Variants in RGS6 observed in about 807,000 individuals in gnomAD.
RGS6 encodes regulator of G protein signaling 6, also known as regulator of G-protein signaling 6.
RGS6 carries 30 observed loss-of-function variants against 78.5 expected under a neutral mutation model. The observed-to-expected ratio is 0.38, with a 90% CI of 0.29 to 0.52. The LOEUF is 0.52. Among genes scored for constraint, RGS6 ranks in the 20% least tolerant of loss-of-function variants. The pLI is 0.85. For synonymous variants in RGS6, 206 were observed against 206.0 expected (o/e 1.00, Z 0.00); for missense variants, 495 against 609.7 (o/e 0.81, Z 1.98).
At chr14:72,280,147 C>T (rs1194523627) in intron 2 of RGS6, among the ~76,000 whole-genome samples, 1 of 151,960 alleles carries the variant, frequency 6.6e-6, no homozygotes, top group Non-Finnish European at 1.5e-5. Context: ...AGGTATTTAC[C>T]TGGGTTTTCT....
chr14:72,155,531 G>A (rs1451136374), intron 2 of RGS6, among the ~76,000 whole-genome samples: 2 of 152,200 alleles, frequency 1.3e-5, no homozygotes, highest in Non-Finnish European at 2.9e-5. Flanking sequence ...GAAATGACCT[G>A]TTACCAAAGT....
At chr14:72,501,707 T>C (rs1222424615) in intron 13 of RGS6, among the ~76,000 whole-genome samples, 4 of 151,872 alleles carry the variant, frequency 2.6e-5, no homozygotes, top group Admixed American at 1.3e-4. Context: ...GATGCTGGAG[T>C]CTAATGAAAC....
intron 2 of RGS6, among the ~76,000 whole-genome samples, chr14:72,173,077 CCT>C (rs1399825787): frequency 6.6e-6 from 1 of 152,062 alleles, no homozygotes; most frequent in Non-Finnish European, 1.5e-5. Context: ...AGGAAAATAC[CCT>C]CTTAGATTTG....
At chr14:72,495,037 A>AT (rs1472219147) in intron 12 of RGS6, 115 bp from the exon 13 acceptor site, 14 of 680,442 alleles carry the variant, frequency 2.1e-5, no homozygotes, top group African/African-American at 1.4e-4. Context: ...GCGGAAATAA[A>AT]TTTTTTCCTT....
At chr14:72,065,787 T>C (rs1311521214) in intron 2 of RGS6, among the ~76,000 whole-genome samples, 1 of 151,940 alleles carries the variant, frequency 6.6e-6, no homozygotes, top group East Asian at 1.9e-4. Flanking sequence ...ATTTTTTTAT[T>C]ATACTTTAAG....
chr14:72,202,464 C>A (rs1349810302), intron 2 of RGS6, among the ~76,000 whole-genome samples: 1 of 152,190 alleles, frequency 6.6e-6, no homozygotes, highest in Admixed American at 6.5e-5. Flanking sequence ...AGCTCCCGTT[C>A]TTACCCATTA....
chr14:72,007,903 A>G (rs1443865572), intron 2 of RGS6, among the ~76,000 whole-genome samples: 1 of 152,206 alleles, frequency 6.6e-6, no homozygotes, highest in Admixed American at 6.5e-5. Flanking sequence ...GAAAAGAGAC[A>G]TAAAGAGTAC....
At chr14:72,186,376 C>A (rs771009125) in intron 2 of RGS6, among the ~76,000 whole-genome samples, 1 of 152,232 alleles carries the variant, frequency 6.6e-6, no homozygotes, top group African/African-American at 2.4e-5. Context: ...CAGGAGCCTG[C>A]AAATTGCCCT....
intron 2 of RGS6, among the ~76,000 whole-genome samples, chr14:72,243,436 G>A (rs920086838): frequency 1.3e-5 from 2 of 151,774 alleles, no homozygotes; most frequent in East Asian, 3.9e-4. Context: ...TGAAAAGCAT[G>A]ACAAGTGAGA....
chr14:72,232,855 A>G (rs754627310), intron 2 of RGS6, among the ~76,000 whole-genome samples: 7 of 152,198 alleles, frequency 4.6e-5, no homozygotes, highest in African/African-American at 1.7e-4. Context: ...ATGCCAGAAC[A>G]TGGGATTGAC....
intron 3 of RGS6, among the ~76,000 whole-genome samples, chr14:72,400,513 T>C (rs2092254607): frequency 6.6e-6 from 1 of 152,208 alleles, no homozygotes; most frequent in Admixed American, 6.5e-5. Context: ...GTGCTGAGCC[T>C]AGAGCTATAA....
chr14:72,010,381 A>C (rs2085427714), intron 2 of RGS6, among the ~76,000 whole-genome samples: 1 of 152,218 alleles, frequency 6.6e-6, no homozygotes. Context: ...GAAAGATAGG[A>C]ACCATTTCCA....
At chr14:72,331,563 G>A (rs1015884608) in intron 2 of RGS6, among the ~76,000 whole-genome samples, 1 of 152,062 alleles carries the variant, frequency 6.6e-6, no homozygotes, top group South Asian at 2.1e-4. Flanking sequence ...GGGGCTCCAG[G>A]GTCCCTTTGA....
intron 2 of RGS6, among the ~76,000 whole-genome samples, chr14:72,097,411 G>T (rs913917234): frequency 3.9e-5 from 6 of 152,182 alleles, no homozygotes; most frequent in Non-Finnish European, 7.3e-5. Flanking sequence ...CCATTGGCAG[G>T]TTAAATCATT....
the RGS6 span, among the ~76,000 whole-genome samples, chr14:72,578,029 C>T: frequency 2.6e-5 from 4 of 152,212 alleles, no homozygotes; most frequent in South Asian, 2.1e-4. Context: ...CCTCTAAATG[C>T]TCCAGCCCTT....
At position 72,181,974 on chromosome 14, in the gene RGS6, C is replaced by A. The variant is rs192519286; in HGVS notation, c.85-170121C>A. 8.5e-5 allele frequency among the ~76,000 whole-genome samples: 13 copies of A among 152,304 alleles called. No homozygotes were observed. In the East Asian group the frequency reaches 2.3e-3, roughly 27 times the overall value. ...GATTTACCACAAAAAAGGAAAGGAA[C>A]ATTACTTAGATTTGTTGCTGTCCAC... On this transcript the variant is annotated intron_variant, in intron 2 of 17. Coordinates refer to ENST00000553525, the MANE Select transcript of RGS6 (RefSeq NM_001204424.2).
chr14:72,081,280 G>A (rs971559797), intron 2 of RGS6, among the ~76,000 whole-genome samples: 4 of 151,842 alleles, frequency 2.6e-5, no homozygotes, highest in East Asian at 1.9e-4. Context: ...TTGCTATTGC[G>A]AATGGGATTG....
At chr14:72,226,694 C>T (rs1485706367) in intron 2 of RGS6, among the ~76,000 whole-genome samples, 1 of 152,180 alleles carries the variant, frequency 6.6e-6, no homozygotes, top group Non-Finnish European at 1.5e-5. Context: ...TTCTTATACA[C>T]TTTATTGATT....
At chr14:72,348,278 TG>T (rs1265394830) in intron 2 of RGS6, among the ~76,000 whole-genome samples, 1 of 152,260 alleles carries the variant, frequency 6.6e-6, no homozygotes, top group African/African-American at 2.4e-5. Context: ...GTAGGAATCC[TG>T]GCCTTGCCAC....
Sources: gnomAD v4.1 joint callset for allele counts (sites outside exome capture counted in the v4.1 genomes callset) on GRCh38, gnomAD v4.1.1 for gene constraint, MANE v1.5 for transcripts, NCBI Gene and HGNC (gene_info 2026-07-23, HGNC 2026-07-21) for gene names.